AKAP19: variants seen among roughly 807,000 people sequenced by gnomAD.
The protein encoded by AKAP19 is small A-kinase anchoring protein.
chr2:190,096,212 T>TC, the AKAP19 span, among the ~76,000 whole-genome samples: 2 of 152,100 alleles, frequency 1.3e-5, no homozygotes, highest in Non-Finnish European at 2.9e-5. Flanking sequence ...CCTCCATGTC[T>TC]CCCACGAAAG....
chr2:190,186,137 A>T, the AKAP19 span, among the ~76,000 whole-genome samples: 1 of 152,146 alleles, frequency 6.6e-6, no homozygotes, highest in East Asian at 1.9e-4. The surrounding 1 kb of genome is among the most constrained non-coding windows in gnomAD (Gnocchi z 5.5). Context: ...GTTTTAGTAG[A>T]GATGGGGTTT....
the AKAP19 span, among the ~76,000 whole-genome samples, chr2:189,989,621 A>C: frequency 6.6e-6 from 1 of 152,272 alleles, no homozygotes; most frequent in African/African-American, 2.4e-5. Context: ...TTAAAGGAAG[A>C]TATAACATTT....
chr2:190,183,661 C>T, the AKAP19 span, among the ~76,000 whole-genome samples: 5 of 151,966 alleles, frequency 3.3e-5, no homozygotes, highest in African/African-American at 7.3e-5. Flanking sequence ...GAAAAAAGTT[C>T]TGTTTGAATC....
the AKAP19 span, among the ~76,000 whole-genome samples, chr2:190,128,681 T>C: frequency 5.3e-5 from 8 of 152,336 alleles, no homozygotes; most frequent in Non-Finnish European, 1.0e-4. Flanking sequence ...AGATTTTTGG[T>C]TTGTTTACAT....
At chr2:189,953,724 T>G in the AKAP19 span, among the ~76,000 whole-genome samples, 1 of 151,996 alleles carries the variant, frequency 6.6e-6, no homozygotes, top group Non-Finnish European at 1.5e-5. Flanking sequence ...ATATTGTTAG[T>G]ACAGTATCAA....
chr2:190,200,270 G>A, the AKAP19 span: 4 of 773,772 alleles, frequency 5.2e-6, no homozygotes, highest in African/African-American at 3.5e-5. Context: ...CTACGATAAT[G>A]TCACTATTAT....
chr2:189,974,291 G>A, the AKAP19 span, among the ~76,000 whole-genome samples: 1 of 152,184 alleles, frequency 6.6e-6, no homozygotes, highest in Non-Finnish European at 1.5e-5. Context: ...GAACGGTTTT[G>A]AGTGAGTTTC....
the AKAP19 span, among the ~76,000 whole-genome samples, chr2:189,973,841 A>AT: frequency 5.3e-5 from 8 of 152,146 alleles, no homozygotes; most frequent in South Asian, 1.7e-3. Context: ...CCCCTTTATC[A>AT]TTTTTTATTG....
At chr2:190,199,397 ATAAAT>A in the AKAP19 span, among the ~76,000 whole-genome samples, 1 of 144,158 alleles carries the variant, frequency 6.9e-6, no homozygotes, top group African/African-American at 2.9e-5. Flanking sequence ...CTTGGTATAG[ATAAAT>A]CTAAGCTAGC....
At chr2:190,014,701 A>C in the AKAP19 span, among the ~76,000 whole-genome samples, 1 of 151,630 alleles carries the variant, frequency 6.6e-6, no homozygotes, top group Non-Finnish European at 1.5e-5. Flanking sequence ...TAGTGGCATG[A>C]CCTCAGCTCA....
chr2:189,887,235 G>A, the AKAP19 span, among the ~76,000 whole-genome samples: 8 of 151,896 alleles, frequency 5.3e-5, no homozygotes, highest in Middle Eastern at 0.014. Context: ...GTGAGAACAC[G>A]CAGTGTTCCT....
chr2:189,977,579 A>C, the AKAP19 span, among the ~76,000 whole-genome samples: 7 of 152,362 alleles, frequency 4.6e-5, no homozygotes, highest in African/African-American at 1.7e-4. Context: ...CAAAGAGATA[A>C]GCAGTTGACC....
chr2:190,056,924 C>T, the AKAP19 span: 1 of 259,854 alleles, frequency 3.8e-6, no homozygotes, highest in Non-Finnish European at 7.4e-6. Flanking sequence ...AAGAAATAGA[C>T]TTTAAAGCAT....
At chr2:190,123,884 C>T in the AKAP19 span, among the ~76,000 whole-genome samples, 1 of 152,142 alleles carries the variant, frequency 6.6e-6, no homozygotes, top group Admixed American at 6.5e-5. Flanking sequence ...AGCTGGGGAC[C>T]TCATGAGAAC....
chr2:190,158,725 A>G, the AKAP19 span, among the ~76,000 whole-genome samples: 2 of 152,222 alleles, frequency 1.3e-5, no homozygotes, highest in African/African-American at 2.4e-5. Flanking sequence ...CCAGGTCCCA[A>G]AGTTCTCCCT....
the AKAP19 span, among the ~76,000 whole-genome samples, chr2:189,905,606 G>A: frequency 1.3e-5 from 2 of 151,906 alleles, no homozygotes; most frequent in Non-Finnish European, 2.9e-5. Flanking sequence ...TATTTAGTAT[G>A]TTAAAAAATG....
At chr2:189,993,731 CT>C in the AKAP19 span, among the ~76,000 whole-genome samples, 1 of 152,078 alleles carries the variant, frequency 6.6e-6, no homozygotes, top group Non-Finnish European at 1.5e-5. Context: ...CTGATTTAAT[CT>C]AGGAGGGTTG....
the AKAP19 span, among the ~76,000 whole-genome samples, chr2:190,194,034 G>T: frequency 1.3e-5 from 2 of 151,594 alleles, no homozygotes; most frequent in African/African-American, 4.9e-5. Context: ...TTTCTTCTTT[G>T]TCCCATGGGT....
chr2:190,055,354 A>G, the AKAP19 span, among the ~76,000 whole-genome samples: 1 of 151,412 alleles, frequency 6.6e-6, no homozygotes, highest in Non-Finnish European at 1.5e-5. Flanking sequence ...GGGGAGGGAT[A>G]GCATTTGGAG....
Sources: allele counts gnomAD v4.1 joint callset (sites outside exome capture counted in the v4.1 genomes callset), GRCh38; gene constraint gnomAD v4.1.1; non-coding constraint Gnocchi (gnomAD v3.1); transcripts MANE v1.5; gene names NCBI Gene and HGNC (gene_info 2026-07-23, HGNC 2026-07-21).